VWF: variants seen among roughly 807,000 people sequenced by gnomAD.
The protein encoded by VWF is Factor VIII related antigen.
Under a neutral mutation model 308.6 loss-of-function variants are expected in VWF, and 176 were observed. The observed-to-expected ratio is 0.57, with a 90% CI of 0.50 to 0.65. VWF has a LOEUF of 0.65. VWF is among the 30% of genes least tolerant of loss of function. The probability of loss-of-function intolerance (pLI) is 0.00; values close to 1 mark genes in which losing one functional copy is unlikely to be tolerated. For synonymous variants in VWF, 1,385 were observed against 1,443.4 expected, an observed-to-expected ratio of 0.96 and a Z score of 0.92; for missense variants, 3,146 against 3,648.2, an observed-to-expected ratio of 0.86 and a Z score of 3.55.
At chr12:6,090,525 G>A (rs1945021010) in intron 6 of VWF, among the ~76,000 whole-genome samples, 1 of 152,104 alleles carries the variant, frequency 6.6e-6, no homozygotes, top group South Asian at 2.1e-4. Flanking sequence ...GCTTCTGCCG[G>A]CTCCCATTCT....
rs1943217205 is a variant in VWF at position 5,953,503 on chromosome 12, G to A, written c.7979C>T (p.Thr2660Ile). The A allele has an allele frequency of 1.9e-6, 3 of 1,614,022 alleles. No individual in the cohort carries two copies. Among genetic ancestry groups the A allele is most frequent in the Non-Finnish European group, 2.5e-6 (3 of 1,179,872 alleles). ...TIQLRGGQIM[T>I]LKRDETLQDG... ...CATTCAGCTTGCTCCTACCTTCAGT[G>A]TCATGATCTGTCCTCCTCTTAGCTG... Residue 2660 changes from threonine to isoleucine, a missense_variant, in exon 48 of 52, where the codon ACA (threonine) becomes ATA (isoleucine). By Grantham distance (89) the Thr-to-Ile change is moderately conservative. Coordinates refer to ENST00000261405, the MANE Select transcript of VWF (RefSeq NM_000552.5).
chr12:5,972,875 G>C (rs150163315), intron 43 of VWF, among the ~76,000 whole-genome samples: 66 of 152,242 alleles, frequency 4.3e-4, no homozygotes, highest in African/African-American at 1.4e-3. Context: ...GGTCTCAGGG[G>C]GTCAGAAACA....
intron 42 of VWF, among the ~76,000 whole-genome samples, chr12:5,980,163 G>GAGGGAAGGAAGGAAGTGACGTAGGTAGGT (rs1943587102): frequency 2.6e-5 from 1 of 37,856 alleles, no homozygotes; most frequent in African/African-American, 7.2e-5. Context: ...GGGAGTGAGG[G>GAGGGAAGGAAGGAAGTGACGTAGGTAGGT]AGGGAGGGAG....
At chr12:6,093,975 T>C (rs1223649408) in intron 6 of VWF, among the ~76,000 whole-genome samples, 1 of 152,042 alleles carries the variant, frequency 6.6e-6, no homozygotes, top group African/African-American at 2.4e-5. Flanking sequence ...GGTGGGGCAG[T>C]CCTCCCAGCC....
intron 9 of VWF, among the ~76,000 whole-genome samples, chr12:6,071,578 A>G (rs1410410809): frequency 6.6e-6 from 1 of 152,168 alleles, no homozygotes; most frequent in Non-Finnish European, 1.5e-5. Flanking sequence ...GAAAAAGAAG[A>G]AAGAAAAAAA....
rs563631823 is a variant in VWF at position 6,011,698 on chromosome 12, G to C, written c.5761C>G (p.Arg1921Gly). The C allele has an allele frequency of 3.7e-6, 6 of 1,613,878 alleles. No individual in the cohort carries two copies. Among genetic ancestry groups the C allele is most frequent in the Non-Finnish European group, 5.1e-6 (6 of 1,179,860 alleles). The change falls in exon 34 of 52, where the codon CGG becomes GGG. Residue 1921 changes from arginine to glycine, a missense_variant. Around this residue, in one of 3 missense-constraint regions of VWF, gnomAD observed 853 missense variants for 1,177.8 expected, o/e 0.72. Coordinates refer to ENST00000261405, the MANE Select transcript of VWF (RefSeq NM_000552.5). ...LLKSHRVNCD[R>G]GLRPSCPNSQ... ...TTAGGGCACGAAGGCCTCAGCCCCC[G>C]GTCACAGTTGACCCGATGACTCTTC... is the stretch of plus-strand genomic sequence containing the variant.
chr12:6,041,337 G>A (rs1312240271), intron 18 of VWF, among the ~76,000 whole-genome samples: 2 of 151,782 alleles, frequency 1.3e-5, no homozygotes, highest in Non-Finnish European at 2.9e-5. Flanking sequence ...GGCTGAGGCA[G>A]GAGAATCACT....
rs190741083 is a variant in VWF, at chr12:5,994,036, G to A, written c.6424C>T (p.Leu2142Phe). Residue 2142 changes from leucine (L) to phenylalanine (F), a missense_variant, in exon 37 of 52, where the codon CTC (leucine) becomes TTC (phenylalanine). Leu to Phe is a conservative substitution (Grantham distance 22). Coordinates refer to ENST00000261405, the MANE Select transcript of VWF (RefSeq NM_000552.5). ...LVPDSSHCQV[L>F]LLPLFAECHK... ...CATTCAGCAAACAGTGGTAAGAGGAGGACCTGGCAGTGGGAGCTGTCGGGG... is the reference window on the plus strand; with the variant it reads ...CATTCAGCAAACAGTGGTAAGAGGAAGACCTGGCAGTGGGAGCTGTCGGGG... 101 of 1,614,204 alleles carry A rather than the reference G, an allele frequency of 6.3e-5. No individual in the cohort carries two copies. In the East Asian group the frequency reaches 1.9e-3, roughly 31 times the overall value.
chr12:6,018,724 A>G lies in VWF; in HGVS notation c.4694T>C (p.Val1565Ala). ...GCCGCCCTGGTAGCGGATCTCTCGCACCCGCTGCAGGATGTCCCCTTTGGA... is the reference window on the plus strand; with the variant it reads ...GCCGCCCTGGTAGCGGATCTCTCGCGCCCGCTGCAGGATGTCCCCTTTGGA... ...AQSKGDILQR[V>A]REIRYQGGNR... is the part of the protein sequence containing the mutation. The change falls in exon 28 of 52, where the codon GTG (valine) becomes GCG (alanine). Residue 1565 changes from valine (V) to alanine (A), a missense_variant. Physicochemically the swap from Val to Ala is moderately conservative, Grantham distance 64 (BLOSUM62 0). Transcript: ENST00000261405. The G allele has an allele frequency of 1.9e-6, 3 of 1,613,436 alleles. No individual in the cohort carries two copies. The highest frequency in any genetic ancestry group is 2.5e-6 in the Non-Finnish European group (3 of 1,179,870).
intron 2 of VWF, among the ~76,000 whole-genome samples, chr12:6,121,857 G>A (rs1945436074): frequency 2.0e-5 from 3 of 152,012 alleles, no homozygotes; most frequent in Admixed American, 2.0e-4. Context: ...CTTGAGCCCA[G>A]GAGGCAGAGG....
rs573315374 is a variant in VWF at position 6,062,048 on chromosome 12, A to T, written c.1533+906T>A. ...AATGTGTAGTGGGTTTATTATTATA[A>T]TTTTTGAATGAGTTAATAAATACAT... On this transcript the variant is annotated intron_variant, in intron 13 of 51. Transcript: ENST00000261405. Among the ~76,000 whole-genome samples the T allele has an allele frequency of 1.2e-4, 18 of 152,300 alleles. No individual in the cohort carries two copies. In the East Asian group the frequency reaches 2.7e-3, roughly 23 times the overall value.
rs563537889 is a variant in VWF at position 6,092,538 on chromosome 12, C to T, written c.657+2922G>A. ...GTTTGTCTGTGTGTGTGTGTGTGCA[C>T]GCGCGTGTGCCACCATGCCCAGCTA... On this transcript the variant is annotated intron_variant, in intron 6 of 51. Coordinates refer to ENST00000261405, the MANE Select transcript of VWF (RefSeq NM_000552.5). Among the ~76,000 whole-genome samples the T allele has an allele frequency of 7.4e-5, 11 of 147,828 alleles. No individual in the cohort carries two copies. In the East Asian group the frequency reaches 1.0e-3, roughly 14 times the overall value.
In VWF at chr12:6,063,191, T is replaced by C; in HGVS notation, c.1433-137A>G. ...AGCAATGACTTAGGGGCAGATGGGG[T>C]GGCCATGAGGTTTAAGGGGGTGTCA... On this transcript the variant is annotated intron_variant, in intron 12 of 51. Coordinates refer to ENST00000261405, the MANE Select transcript of VWF (RefSeq NM_000552.5). The surrounding 1 kb of genome is among the most constrained non-coding windows in gnomAD (Gnocchi z 4.9). 1.3e-6 allele frequency: 1 copy of C among 749,634 alleles called. No homozygotes were observed. Among genetic ancestry groups the C allele is most frequent in the Non-Finnish European group, 2.3e-6 (1 of 434,502 alleles). 46.4% of individuals were successfully genotyped at this position (749,634 alleles called of 1,614,324 possible).
intron 42 of VWF, among the ~76,000 whole-genome samples, chr12:5,979,237 G>A (rs1943565846): frequency 1.3e-5 from 2 of 152,250 alleles, no homozygotes; most frequent in Admixed American, 6.5e-5. Flanking sequence ...ACTGAAAGCA[G>A]TTGGGAGAAA....
chr12:6,087,204 T>A (rs1157929084), intron 6 of VWF, among the ~76,000 whole-genome samples: 1 of 151,860 alleles, frequency 6.6e-6, no homozygotes, highest in Non-Finnish European at 1.5e-5. Flanking sequence ...GCTTCTCCAG[T>A]ATTCAGGGAC....
intron 3 of VWF, among the ~76,000 whole-genome samples, chr12:6,114,418 GT>G (rs1373179549): frequency 6.6e-6 from 1 of 152,212 alleles, no homozygotes; most frequent in African/African-American, 2.4e-5. Context: ...CTATAAGTTT[GT>G]AAAGTAAGGC....
intron 9 of VWF, 36 bp from the exon 10 acceptor site, chr12:6,071,379 C>G (rs1310103762): frequency 6.2e-7 from 1 of 1,613,056 alleles, no homozygotes; most frequent in South Asian, 1.1e-5. Flanking sequence ...ATTGGTGGTT[C>G]TGCAAACACA....
intron 47 of VWF, among the ~76,000 whole-genome samples, chr12:5,955,863 G>T (rs1233387538): frequency 6.6e-6 from 1 of 152,078 alleles, no homozygotes; most frequent in Non-Finnish European, 1.5e-5. Context: ...CTGCAGACAG[G>T]ACACAAGAAA....
At chr12:6,097,025 G>A (rs1290514815) in intron 5 of VWF, among the ~76,000 whole-genome samples, 2 of 152,158 alleles carry the variant, frequency 1.3e-5, no homozygotes, top group Middle Eastern at 3.2e-3. Flanking sequence ...CCTAATCCCT[G>A]GAGCATGTAA....
Sources: allele counts gnomAD v4.1 joint callset (sites outside exome capture counted in the v4.1 genomes callset), GRCh38; gene constraint gnomAD v4.1.1; regional missense constraint gnomAD v4.1.1; non-coding constraint Gnocchi (gnomAD v3.1); transcripts MANE v1.5; gene names NCBI Gene and HGNC (gene_info 2026-07-23, HGNC 2026-07-21).